The following MMP26 variants were observed in gnomAD, a reference collection of about 807,000 sequenced individuals.
MMP26 encodes the protein matrix metallopeptidase 26, also known as matrix metalloproteinase-26.
Under a neutral mutation model 31.0 loss-of-function variants are expected in MMP26, and 33 were observed. The ratio of observed to expected loss-of-function variants is 1.06; its 90% confidence interval spans 0.81 to 1.42. The LOEUF (loss-of-function observed/expected upper bound fraction) is 1.42. Ranked by LOEUF, MMP26 falls within the 40% of genes most tolerant of loss-of-function variation. The pLI is 0.00. For synonymous variants in MMP26, 122 were observed against 114.9 expected (o/e 1.06, Z -0.40); for missense variants, 347 against 316.1 (o/e 1.10, Z -0.74).
At chr11:4,766,693 T>TTCCCTCCCTTCCTCCC (rs1848633075) in intron 1 of MMP26, among the ~76,000 whole-genome samples, 1 of 49,344 alleles carries the variant, frequency 2.0e-5, no homozygotes, top group South Asian at 1.5e-3. Context: ...CCACTTTCCT[T>TTCCCTCCCTTCCTCCC]TCCCTCCCTC....
chr11:4,957,395 A>G (rs7942442), intron 2 of MMP26, among the ~76,000 whole-genome samples: 2,540 of 152,352 alleles, frequency 0.017, 74 homozygotes, highest in African/African-American at 0.058. Context: ...TTATTCTACA[A>G]AGGGCATCCA....
chr11:4,895,284 C>T (rs918553335), intron 2 of MMP26, among the ~76,000 whole-genome samples: 1 of 152,136 alleles, frequency 6.6e-6, no homozygotes, highest in African/African-American at 2.4e-5. Context: ...CCAAATTGTT[C>T]TCTGGTCCCT....
intron 2 of MMP26, chr11:4,803,854 G>T (rs928630204): frequency 1.9e-6 from 3 of 1,612,714 alleles, no homozygotes; most frequent in Non-Finnish European, 2.5e-6. Flanking sequence ...CTGGGGAATG[G>T]CTTGGTGTTG....
intron 2 of MMP26, among the ~76,000 whole-genome samples, chr11:4,869,190 T>C (rs1174644872): frequency 1.3e-5 from 2 of 152,088 alleles, no homozygotes; most frequent in Non-Finnish European, 2.9e-5. Flanking sequence ...CCAAAAGCAA[T>C]GGCAACAAAA....
chr11:4,863,276 T>G lies in MMP26; in HGVS notation c.-145+95935T>G, dbSNP rs141153995. ...TCTCCATTCTTCATCTTCCTTCTTTTAATCTTCTTTAATTTTCAGACCCTT... is the reference window on the plus strand; with the variant it reads ...TCTCCATTCTTCATCTTCCTTCTTTGAATCTTCTTTAATTTTCAGACCCTT... On this transcript the variant is annotated intron_variant, in intron 2 of 7. Transcript: ENST00000380390. Among the ~76,000 whole-genome samples the G allele has an allele frequency of 1.0e-4, 15 of 150,180 alleles. No individual in the cohort carries two copies. The East Asian group carries it at 2.9e-3, about 29-fold the overall frequency.
intron 2 of MMP26, among the ~76,000 whole-genome samples, chr11:4,795,934 T>C (rs1050575420): frequency 6.6e-6 from 1 of 152,052 alleles, no homozygotes; most frequent in East Asian, 1.9e-4. Flanking sequence ...CTAAAGATGG[T>C]TTTCATGATT....
At chr11:4,709,604 A>G (rs1404547678) in intron 1 of MMP26, 5 of 456,012 alleles carry the variant, frequency 1.1e-5, no homozygotes, top group Admixed American at 4.7e-5. Context: ...TCCACCCTGC[A>G]GTCTTCTTCC....
chr11:4,935,046 C>CTT (rs1188617508), intron 2 of MMP26, among the ~76,000 whole-genome samples: 1 of 151,652 alleles, frequency 6.6e-6, no homozygotes, highest in Non-Finnish European at 1.5e-5. Context: ...TTAGGATTGA[C>CTT]TTGGCAATGT....
At chr11:4,987,753 T>C (rs1311316857) in intron 2 of MMP26, among the ~76,000 whole-genome samples, 2 of 152,226 alleles carry the variant, frequency 1.3e-5, no homozygotes, top group Admixed American at 1.3e-4. Flanking sequence ...TCTGGATCTT[T>C]ATTACAGCAG....
At chr11:4,848,041 G>A in intron 2 of MMP26, 2 of 582,860 alleles carry the variant, frequency 3.4e-6, no homozygotes, top group Non-Finnish European at 6.0e-6. Context: ...TGTACCAGTG[G>A]GTGGATCATG....
chr11:4,789,530 C>CTTTTTTTTTTTTTTTTTTTTTT (rs71050429), intron 2 of MMP26, among the ~76,000 whole-genome samples: 2 of 65,942 alleles, frequency 3.0e-5, no homozygotes, highest in Non-Finnish European at 5.4e-5. Flanking sequence ...TATCCCCCCA[C>CTTTTTTTTTTTTTTTTTTTTTT]TTTTTTTTTT....
chr11:4,818,919 G>T (rs1022286801), intron 2 of MMP26, among the ~76,000 whole-genome samples: 1 of 152,094 alleles, frequency 6.6e-6, no homozygotes, highest in Non-Finnish European at 1.5e-5. Context: ...TTGGAAAAGA[G>T]TATTTTGTAC....
intron 2 of MMP26, among the ~76,000 whole-genome samples, chr11:4,940,874 G>A (rs148586235): frequency 1.6e-3 from 247 of 152,128 alleles, no homozygotes; most frequent in Admixed American, 3.4e-3. Context: ...TTGTTTTAGC[G>A]TCCCAAGTTC....
At chr11:4,726,860 T>C (rs1848107954) in intron 1 of MMP26, among the ~76,000 whole-genome samples, 2 of 151,980 alleles carry the variant, frequency 1.3e-5, no homozygotes, top group Admixed American at 1.3e-4. Context: ...GTTAAAAAAT[T>C]AGCCAGGCAT....
chr11:4,748,184 C>T (rs1848404147), intron 1 of MMP26, among the ~76,000 whole-genome samples: 1 of 151,964 alleles, frequency 6.6e-6, no homozygotes, highest in African/African-American at 2.4e-5. Flanking sequence ...CACTCACAAA[C>T]TAGAAATCCT....
At chr11:4,763,963 G>A (rs975692647) in intron 1 of MMP26, among the ~76,000 whole-genome samples, 4 of 152,110 alleles carry the variant, frequency 2.6e-5, no homozygotes, top group Admixed American at 6.5e-5. Flanking sequence ...ATTTTATAAT[G>A]CAATAAACAG....
At chr11:4,872,118 T>C (rs924185009) in intron 2 of MMP26, among the ~76,000 whole-genome samples, 1 of 152,108 alleles carries the variant, frequency 6.6e-6, no homozygotes, top group African/African-American at 2.4e-5. Flanking sequence ...TTTGTATCTT[T>C]AAATGAGATA....
At chr11:4,805,837 T>G (rs1849260199) in intron 2 of MMP26, among the ~76,000 whole-genome samples, 1 of 151,998 alleles carries the variant, frequency 6.6e-6, no homozygotes, top group Non-Finnish European at 1.5e-5. Flanking sequence ...ACTCTTTGAG[T>G]TTTTTGGTGA....
At chr11:4,795,738 T>C (rs954165552) in intron 2 of MMP26, among the ~76,000 whole-genome samples, 2 of 152,200 alleles carry the variant, frequency 1.3e-5, no homozygotes, top group African/African-American at 4.8e-5. Context: ...TGGGCAGGTC[T>C]AAACCTTCTT....
Sources: allele counts gnomAD v4.1 joint callset (sites outside exome capture counted in the v4.1 genomes callset), GRCh38; gene constraint gnomAD v4.1.1; transcripts MANE v1.5; gene names NCBI Gene and HGNC (gene_info 2026-07-23, HGNC 2026-07-21).